The following IL27RA variants were observed in gnomAD, a reference collection of about 807,000 sequenced individuals.
IL27RA encodes the protein interleukin 27 receptor subunit alpha.
Under a neutral mutation model 80.8 loss-of-function variants are expected in IL27RA, and 61 were observed. The observed-to-expected ratio is 0.76, with a 90% CI of 0.61 to 0.93. The LOEUF (loss-of-function observed/expected upper bound fraction) is 0.93, where lower values mean the gene tolerates loss of function less well. IL27RA is among the 40% of genes least tolerant of loss of function. The probability of loss-of-function intolerance (pLI) is 0.00; values close to 1 mark genes in which losing one functional copy is unlikely to be tolerated. For missense variants in IL27RA, 735 were observed against 808.1 expected (o/e 0.91, Z 1.10); for synonymous variants, 316 against 332.5 (o/e 0.95, Z 0.54).
chr19:14,034,617 G>A (rs1192236435), intron 2 of IL27RA, among the ~76,000 whole-genome samples: 2 of 147,992 alleles, frequency 1.4e-5, no homozygotes, highest in South Asian at 2.1e-4. Context: ...CCAAGATCGC[G>A]CCACTGTACT....
chr19:14,039,603 T>C lies in IL27RA; in HGVS notation c.314T>C (p.Val105Ala). The C allele has an allele frequency of 6.8e-6, 11 of 1,614,192 alleles. No homozygotes were observed. The highest frequency in any genetic ancestry group is 8.5e-6 in the Non-Finnish European group (10 of 1,180,040). The change falls in exon 3 of 14, where the codon GTC (valine) becomes GCC (alanine). Residue 105 changes from valine to alanine, a missense_variant. Transcript: ENST00000263379. The part of the protein sequence containing the change: ...EQLTMSDKLL[V>A]WGTKAGQPLW... The stretch of plus-strand genomic sequence containing the variant: ...CTCACCATGTCTGACAAACTCCTTG[T>C]CTGGGGCACTAAGGCAGGCCAGCCT...
At position 14,052,367 on chromosome 19, in the gene IL27RA, C is replaced by G; in HGVS notation, c.*77C>G. ...GGTTGCACCCCAGTCCTGGATTAGC[C>G]CTCTTGATGGATGAAGACACTGAGG... On this transcript the variant is annotated 3_prime_UTR_variant, in exon 14 of 14. Transcript: ENST00000263379. The G allele has an allele frequency of 8.6e-7, 1 of 1,168,978 alleles. No homozygotes were observed. Among genetic ancestry groups the G allele is most frequent in the East Asian group, 2.7e-5 (1 of 37,240 alleles). 72.4% of individuals were successfully genotyped at this position (1,168,978 alleles called of 1,614,324 possible).
Position 14,046,521 on chromosome 19 carries a change from A to G in IL27RA, c.1044A>G (p.Pro348=), listed in dbSNP as rs770530665. The G allele has an allele frequency of 3.1e-6, 5 of 1,614,120 alleles. No individual in the cohort carries two copies. Among genetic ancestry groups the G allele is most frequent in the Non-Finnish European group, 4.2e-6 (5 of 1,180,006 alleles). Residue 348 remains proline, a synonymous_variant, in exon 8 of 14, where the codon CCA becomes CCG. Coordinates refer to ENST00000263379, the MANE Select transcript of IL27RA (RefSeq NM_004843.4). Reference sequence around the variant, plus strand: ...CCTGGCAACCGGGGCCTGGGGAACCACTGGAGCATGTAGTGGACTGGGCTC... The same window carrying G: ...CCTGGCAACCGGGGCCTGGGGAACCGCTGGAGCATGTAGTGGACTGGGCTC... ...LVTWQPGPGE[P]LEHVVDWARD... is the part of the protein sequence containing the mutation.
At chr19:14,036,299 T>G (rs1975897209) in intron 2 of IL27RA, among the ~76,000 whole-genome samples, 1 of 152,004 alleles carries the variant, frequency 6.6e-6, no homozygotes. Flanking sequence ...CCTGAGATTT[T>G]GTACTCTTTG....
chr19:14,046,002 G>GT, intron 6 of IL27RA, 152 bp from the exon 7 acceptor site: 1 of 741,658 alleles, frequency 1.3e-6, no homozygotes, highest in South Asian at 1.8e-5. Flanking sequence ...TCCAGTCTGG[G>GT]TAACAGAATG....
In IL27RA at chr19:14,036,093, AAAGAAG is replaced by A. The variant is rs373073771; in HGVS notation, c.219-3398_219-3393del. Among the ~76,000 whole-genome samples the A allele has an allele frequency of 3.6e-3, 545 of 149,860 alleles. 3 individuals carry two copies. The highest frequency in any genetic ancestry group is 0.011 in the African/African-American group (457 of 40,780). On this transcript the variant is annotated intron_variant, in intron 2 of 13. Coordinates refer to ENST00000263379, the MANE Select transcript of IL27RA (RefSeq NM_004843.4). ...CGTCTCTATTAAAAAAAAAAAAAAG[AAAGAAG>A]AAGAAGAAGAAGAAGAGGAAGAGGA... is the stretch of plus-strand genomic sequence containing the variant.
At position 14,042,525 on chromosome 19, in the gene IL27RA, A is replaced by C; in HGVS notation, c.607A>C (p.Lys203Gln). 6.2e-7 allele frequency: 1 copy of C among 1,614,202 alleles called. No individual in the cohort carries two copies. The highest frequency in any genetic ancestry group is 2.2e-5 in the East Asian group (1 of 44,892). Reference sequence around the variant, plus strand: ...AGATTTGGAGCTAGCCACTGGCTACAAAGTGTATGGCCGCTGCCGGATGGA... The same window carrying C: ...AGATTTGGAGCTAGCCACTGGCTACCAAGTGTATGGCCGCTGCCGGATGGA... ...IQDLELATGY[K>Q]VYGRCRMEKE... Residue 203 changes from lysine to glutamine, a missense_variant, in exon 5 of 14, where the codon AAA (lysine) becomes CAA (glutamine). Lys to Gln is a moderately conservative substitution (Grantham distance 53, BLOSUM62 1). Coordinates refer to ENST00000263379, the MANE Select transcript of IL27RA (RefSeq NM_004843.4).
intron 1 of IL27RA, 100 bp from the exon 2 acceptor site, chr19:14,032,286 C>A (rs897073841): frequency 1.6e-5 from 15 of 928,674 alleles, no homozygotes; most frequent in Non-Finnish European, 2.4e-5. Context: ...TTCCCTAAGC[C>A]CCCCCACCTT....
chr19:14,044,902 G>A (rs1384032612), intron 6 of IL27RA, among the ~76,000 whole-genome samples: 1 of 151,606 alleles, frequency 6.6e-6, no homozygotes, highest in African/African-American at 2.4e-5. Context: ...GAGGCGGGTG[G>A]ATCATAAGGT....
At chr19:14,050,511 CAAAA>C (rs34034204) in intron 10 of IL27RA, among the ~76,000 whole-genome samples, 3 of 99,918 alleles carry the variant, frequency 3.0e-5, no homozygotes, top group Non-Finnish European at 6.4e-5. Context: ...GACTTCATGT[CAAAA>C]AAAAAAAAAA....
intron 2 of IL27RA, among the ~76,000 whole-genome samples, chr19:14,033,887 C>A (rs549400146): frequency 1.4e-3 from 213 of 152,022 alleles, no homozygotes; most frequent in Non-Finnish European, 2.5e-3. Context: ...TTGCTTGAAC[C>A]CAGGAAGTGG....
At chr19:14,044,788 C>T (rs147423004) in intron 6 of IL27RA, among the ~76,000 whole-genome samples, 1 of 151,292 alleles carries the variant, frequency 6.6e-6, no homozygotes, top group African/African-American at 2.4e-5. Context: ...GAGTTCGAGA[C>T]CAGCCTGGGC....
At position 14,039,655 on chromosome 19, in the gene IL27RA, A is replaced by AG; in HGVS notation, c.367dup (p.Glu123GlyfsTer14). ...TCTGGCCCCCCGTCTTCGTGAACCTAGAAACCCAAAGTAACGTGGCAGGAG... is the reference window on the plus strand; with the variant it reads ...TCTGGCCCCCCGTCTTCGTGAACCTAGGAAACCCAAAGTAACGTGGCAGGAG... On this transcript the variant is annotated frameshift_variant, in exon 3 of 14. Transcript: ENST00000263379. LOFTEE classifies it high-confidence loss of function. The AG allele has an allele frequency of 6.2e-7, 1 of 1,613,570 alleles. No homozygotes were observed. Among genetic ancestry groups the AG allele is most frequent in the Non-Finnish European group, 8.5e-7 (1 of 1,179,734 alleles).
intron 4 of IL27RA, among the ~76,000 whole-genome samples, chr19:14,041,999 G>A (rs1021769199): frequency 6.6e-6 from 1 of 152,248 alleles, no homozygotes; most frequent in Non-Finnish European, 1.5e-5. Context: ...AGGAGATCGA[G>A]ACCATCTTGG....
chr19:14,051,364 G>A (rs1189525434), intron 11 of IL27RA, among the ~76,000 whole-genome samples: 2 of 152,052 alleles, frequency 1.3e-5, no homozygotes, highest in Non-Finnish European at 2.9e-5. Context: ...GGCCAATGTG[G>A]TGAAACCCCA....
rs1353705556 is a variant in IL27RA at position 14,046,326 on chromosome 19, TG to T, written c.943del (p.Val315SerfsTer25). On this transcript the variant is annotated frameshift_variant, in exon 7 of 14. Transcript: ENST00000263379. LOFTEE classifies it high-confidence loss of function. ...TSWEPLTNLS[L>X]VCLDSASAPR... Reference sequence around the variant, plus strand: ...TGGGAGCCTCTCACCAACCTCTCTTTGGTCTGCTTGGGTAAGAGACTGTGAC... The same window carrying T: ...TGGGAGCCTCTCACCAACCTCTCTTTGTCTGCTTGGGTAAGAGACTGTGAC... 1 of 1,613,876 alleles carries T rather than the reference TG, an allele frequency of 6.2e-7. No homozygotes were observed. The highest frequency in any genetic ancestry group is 2.2e-5 in the East Asian group (1 of 44,882).
chr19:14,034,748 C>T (rs1272378047), intron 2 of IL27RA, among the ~76,000 whole-genome samples: 1 of 150,502 alleles, frequency 6.6e-6, no homozygotes, highest in Non-Finnish European at 1.5e-5. Context: ...GTCAGGAGAT[C>T]GAGACCATCC....
At chr19:14,048,285 TA>T (rs1568503321) in intron 8 of IL27RA, among the ~76,000 whole-genome samples, 4,221 of 150,166 alleles carry the variant, frequency 0.028, 86 homozygotes, top group Middle Eastern at 0.086. Context: ...AATAAATAAA[TA>T]AATAAATTAA....
chr19:14,046,378 G>T, intron 7 of IL27RA, 41 bp downstream of exon 7: 3 of 1,613,762 alleles, frequency 1.9e-6, no homozygotes, highest in South Asian at 1.1e-5. Flanking sequence ...GCCCTGGAGG[G>T]GTGGGAAGTG....
Sources: allele counts gnomAD v4.1 joint callset (sites outside exome capture counted in the v4.1 genomes callset), GRCh38; gene constraint gnomAD v4.1.1; transcripts MANE v1.5; gene names NCBI Gene and HGNC (gene_info 2026-07-23, HGNC 2026-07-21).